NCOA3: variants seen among roughly 807,000 people sequenced by gnomAD.
NCOA3 encodes the protein CBP-interacting protein.
In NCOA3, 51 loss-of-function variants were observed where a neutral mutation model predicts 158.8. That is an observed-to-expected ratio of 0.32 (90% CI 0.26 to 0.41). The LOEUF is 0.41. Among genes scored for constraint, NCOA3 ranks in the 10% least tolerant of loss-of-function variants. The pLI is 1.00. For synonymous variants in NCOA3, 537 were observed against 592.4 expected (o/e 0.91, Z 1.36); for missense variants, 1,510 against 1,746.6 (o/e 0.86, Z 2.41).
intron 2 of NCOA3, among the ~76,000 whole-genome samples, chr20:47,596,475 G>GTA (rs1372910938): frequency 6.6e-6 from 1 of 152,028 alleles, no homozygotes; most frequent in Non-Finnish European, 1.5e-5. Flanking sequence ...ATCATTTTTT[G>GTA]TATCTCGTTT....
At chr20:47,550,121 G>A (rs893990511) in intron 1 of NCOA3, among the ~76,000 whole-genome samples, 13 of 150,010 alleles carry the variant, frequency 8.7e-5, no homozygotes, top group Middle Eastern at 3.5e-3. Flanking sequence ...CCGTTTTACT[G>A]TGTTGTATTT....
chr20:47,532,812 A>G (rs774216676), intron 1 of NCOA3, among the ~76,000 whole-genome samples: 21 of 152,000 alleles, frequency 1.4e-4, no homozygotes, highest in Non-Finnish European at 2.8e-4. Context: ...TTATTCCAAA[A>G]AGATCATTTG....
At position 47,551,048 on chromosome 20, in the gene NCOA3, G is replaced by A. The variant is rs1670826428; in HGVS notation, c.-98-32135G>A. On this transcript the variant is annotated intron_variant, in intron 1 of 22. Transcript: ENST00000371998. ...ATAAAATACATTCAAGCATAAAATG[G>A]CATTTCCTCATGATTAAATTCTGGG... Among the ~76,000 whole-genome samples the A allele has an allele frequency of 2.6e-5, 4 of 151,900 alleles. No homozygotes were observed. The South Asian group carries it at 8.3e-4, about 32-fold the overall frequency.
chr20:47,506,363 T>G (rs182551470), intron 1 of NCOA3, among the ~76,000 whole-genome samples: 1 of 152,228 alleles, frequency 6.6e-6, no homozygotes, highest in African/African-American at 2.4e-5. Flanking sequence ...GAATTGAATT[T>G]AATTGCCTTT....
At chr20:47,535,964 A>T (rs904029556) in intron 1 of NCOA3, among the ~76,000 whole-genome samples, 5 of 151,848 alleles carry the variant, frequency 3.3e-5, no homozygotes, top group Non-Finnish European at 7.4e-5. Flanking sequence ...ATCAACTTAA[A>T]TGTAGATGGC....
At chr20:47,648,902 T>G (rs2086734099) in intron 18 of NCOA3, 103 bp from the exon 19 acceptor site, 1 of 661,002 alleles carries the variant, frequency 1.5e-6, no homozygotes, top group Admixed American at 2.6e-5. Context: ...CAGGTTATTG[T>G]GTTTGGAGAT....
rs773838233 is a variant in NCOA3, at chr20:47,627,621, G to A, written c.593G>A (p.Arg198His). The change falls in exon 7 of 23, where the codon CGT becomes CAT. Residue 198 changes from arginine (R) to histidine (H), a missense_variant. Coordinates refer to ENST00000371998, the MANE Select transcript of NCOA3 (RefSeq NM_181659.3). ...QRQKSHTFNCRMLMKTPHDIL... is the reference protein window; with the variant it reads ...QRQKSHTFNCHMLMKTPHDIL... ...CAAAAAAGCCATACATTTAATTGCC[G>A]TATGTTGATGAAAACACCACATGAT... 2.3e-5 allele frequency: 37 copies of A among 1,613,856 alleles called. No homozygotes were observed. The Admixed American group carries it at 4.2e-4, about 18-fold the overall frequency.
At chr20:47,606,293 A>G (rs1238695190) in intron 2 of NCOA3, among the ~76,000 whole-genome samples, 1 of 152,208 alleles carries the variant, frequency 6.6e-6, no homozygotes, top group Non-Finnish European at 1.5e-5. Context: ...AGGGTTCTAC[A>G]TGGTTAAGAC....
At chr20:47,522,251 C>T (rs1019438512) in intron 1 of NCOA3, among the ~76,000 whole-genome samples, 3 of 151,362 alleles carry the variant, frequency 2.0e-5, no homozygotes, top group East Asian at 1.9e-4. Context: ...TACAGGTGCC[C>T]GCCACCACGC....
chr20:47,649,160 CT>C (rs775885703), intron 19 of NCOA3, 51 bp downstream of exon 19: 5 of 1,219,278 alleles, frequency 4.1e-6, no homozygotes, highest in Non-Finnish European at 5.8e-6. Context: ...CAGGACAGGG[CT>C]TGGCCTGTGG....
chr20:47,578,325 A>G (rs2085403154), intron 1 of NCOA3, among the ~76,000 whole-genome samples: 1 of 152,112 alleles, frequency 6.6e-6, no homozygotes, highest in South Asian at 2.1e-4. Flanking sequence ...AGCTGGAACT[A>G]CAGGCGCCCA....
At chr20:47,604,919 T>C (rs750208240) in intron 2 of NCOA3, among the ~76,000 whole-genome samples, 4 of 152,218 alleles carry the variant, frequency 2.6e-5, no homozygotes, top group Non-Finnish European at 4.4e-5. Flanking sequence ...CAGGCTGGAG[T>C]GCAGTGGCGA....
At chr20:47,615,015 A>G (rs2086109553) in intron 2 of NCOA3, among the ~76,000 whole-genome samples, 1 of 152,194 alleles carries the variant, frequency 6.6e-6, no homozygotes, top group African/African-American at 2.4e-5. Context: ...TAAAATGCCC[A>G]AGAAACATTT....
chr20:47,511,548 T>TACACACACAC lies in NCOA3; in HGVS notation c.-99+9530_-99+9531insCACACACACA, dbSNP rs1362002302. Among the ~76,000 whole-genome samples, 195 of 20,318 alleles carry TACACACACAC rather than the reference T, an allele frequency of 9.6e-3. 37 individuals are homozygous for TACACACACAC. Among genetic ancestry groups the TACACACACAC allele is most frequent in the Non-Finnish European group, 0.024 (110 of 4,646 alleles). 13.3% of individuals were successfully genotyped at this position (20,318 alleles called of 152,430 possible). On this transcript the variant is annotated intron_variant, in intron 1 of 22. Coordinates refer to ENST00000371998, the MANE Select transcript of NCOA3 (RefSeq NM_181659.3). ...AGATATATATATATATATATATATA[T>TACACACACAC]ATATATATTTCTTTTTTTTTTTGAG...
chr20:47,584,125 A>C (rs982829437), intron 2 of NCOA3, among the ~76,000 whole-genome samples: 2 of 151,772 alleles, frequency 1.3e-5, no homozygotes, highest in East Asian at 1.9e-4. Flanking sequence ...TAACACCCCC[A>C]GTTCTACAAA....
Position 47,633,558 on chromosome 20 carries a change from A to C in NCOA3, c.886A>C (p.Ile296Leu), listed in dbSNP as rs999904146. Reference protein sequence around the residue: ...RSSMRPGFEDIIRRCIQRFFS... With the variant: ...RSSMRPGFEDLIRRCIQRFFS... The stretch of plus-strand genomic sequence containing the variant: ...CTCCATGAGGCCTGGCTTTGAAGAT[A>C]TAATCCGAAGGTGTATTCAGAGATT... Residue 296 changes from isoleucine (I) to leucine (L), a missense_variant, in exon 9 of 23, where the codon ATA (isoleucine) becomes CTA (leucine). By Grantham distance (5) the Ile-to-Leu change is conservative (BLOSUM62 2). Around this residue, in one of 4 missense-constraint regions of NCOA3, gnomAD observed 309 missense variants for 427.1 expected, o/e 0.72. Coordinates refer to ENST00000371998, the MANE Select transcript of NCOA3 (RefSeq NM_181659.3). The C allele has an allele frequency of 1.9e-6, 3 of 1,613,650 alleles. No individual in the cohort carries two copies. Among genetic ancestry groups the C allele is most frequent in the East Asian group, 4.5e-5 (2 of 44,890 alleles).
intron 1 of NCOA3, among the ~76,000 whole-genome samples, chr20:47,541,609 C>A (rs999873630): frequency 2.0e-5 from 3 of 150,186 alleles, no homozygotes; most frequent in Non-Finnish European, 4.4e-5. Context: ...TCTCGAACTC[C>A]TGGCCTCAAG....
chr20:47,656,075 A>G lies in NCOA3; in HGVS notation c.*2658A>G, dbSNP rs1388096406. The stretch of plus-strand genomic sequence containing the variant: ...AAACCTTGGTATCTGTTGGGTGAAC[A>G]GTATAATCTTTTCATCTGCTTTTAG... On this transcript the variant is annotated 3_prime_UTR_variant, in exon 23 of 23. Coordinates refer to ENST00000371998, the MANE Select transcript of NCOA3 (RefSeq NM_181659.3). The G allele has an allele frequency of 6.7e-6, 1 of 149,898 alleles. No individual in the cohort carries two copies. The highest frequency in any genetic ancestry group is 1.5e-5 in the Non-Finnish European group (1 of 67,702). The allele number at this position is 149,898 out of a possible 1,614,324, so 9.3% of individuals were successfully genotyped here. A position where few individuals can be genotyped will look rare whatever the true frequency, so the allele number is the denominator to read the frequency against.
chr20:47,502,475 C>A (rs6012193), intron 1 of NCOA3, among the ~76,000 whole-genome samples: 10,144 of 152,274 alleles, frequency 0.067, 494 homozygotes, highest in Middle Eastern at 0.17. Flanking sequence ...GGACCCCCCC[C>A]ACCCCAGCCT....
Sources: gnomAD v4.1 joint callset for allele counts (sites outside exome capture counted in the v4.1 genomes callset) on GRCh38, gnomAD v4.1.1 for gene constraint, gnomAD v4.1.1 regional missense constraint, MANE v1.5 for transcripts, NCBI Gene and HGNC (gene_info 2026-07-23, HGNC 2026-07-21) for gene names.